Variants in PDE8B observed in about 807,000 individuals in gnomAD.
PDE8B encodes the protein high affinity cAMP-specific and IBMX-insensitive 3',5'-cyclic phosphodiesterase 8B.
PDE8B carries 26 observed loss-of-function variants against 101.3 expected under a neutral mutation model. That is an observed-to-expected ratio of 0.26 (90% CI 0.19 to 0.36). The LOEUF (loss-of-function observed/expected upper bound fraction) is 0.36, where lower values mean the gene tolerates loss of function less well. PDE8B is among the 10% of genes least tolerant of loss of function. PDE8B has a pLI of 1.00. For missense variants in PDE8B, 810 were observed against 1,163.1 expected, an observed-to-expected ratio of 0.70 and a Z score of 4.42; for synonymous variants, 424 against 429.3, an observed-to-expected ratio of 0.99 and a Z score of 0.15.
intron 1 of PDE8B, among the ~76,000 whole-genome samples, chr5:77,240,515 A>T (rs1755560391): frequency 6.6e-6 from 1 of 152,214 alleles, no homozygotes; most frequent in Admixed American, 6.5e-5. Context: ...ACAGGATTCT[A>T]CTCATGTAGA....
At chr5:77,118,280 A>C in the PDE8B span, 1 of 398,160 alleles carries the variant, frequency 2.5e-6, no homozygotes, top group East Asian at 3.6e-5. Flanking sequence ...GTTTAGAAGC[A>C]TCTAAATTTT....
At chr5:77,090,572 C>T in the PDE8B span, among the ~76,000 whole-genome samples, 108 of 152,090 alleles carry the variant, frequency 7.1e-4, no homozygotes, top group Non-Finnish European at 1.4e-3. Flanking sequence ...CGCACCCAGC[C>T]GAAGAGAAGA....
At chr5:77,116,676 T>G in the PDE8B span, among the ~76,000 whole-genome samples, 1 of 152,182 alleles carries the variant, frequency 6.6e-6, no homozygotes, top group Admixed American at 6.5e-5. Flanking sequence ...TGAGAGCAAA[T>G]GTAAGCCTGT....
intron 20 of PDE8B, among the ~76,000 whole-genome samples, chr5:77,423,297 C>T (rs981644079): frequency 6.6e-6 from 1 of 152,160 alleles, no homozygotes; most frequent in Non-Finnish European, 1.5e-5. Flanking sequence ...GTCTTTGCTA[C>T]CATGAATTGT....
the PDE8B span, among the ~76,000 whole-genome samples, chr5:77,090,835 C>T: frequency 6.6e-6 from 1 of 151,968 alleles, no homozygotes; most frequent in Non-Finnish European, 1.5e-5. Context: ...AGATTGTTAC[C>T]ATATCTTTTG....
chr5:77,301,892 T>G (rs1561493935), intron 1 of PDE8B, among the ~76,000 whole-genome samples: 2 of 152,220 alleles, frequency 1.3e-5, no homozygotes, highest in African/African-American at 4.8e-5. Flanking sequence ...TTTGGGGTTT[T>G]TTTTGTTTTG....
chr5:77,390,164 G>A (rs1425242872), intron 10 of PDE8B, among the ~76,000 whole-genome samples: 1 of 152,154 alleles, frequency 6.6e-6, no homozygotes, highest in South Asian at 2.1e-4. Context: ...AGAGACAAAT[G>A]ACCCTGAAAT....
intron 1 of PDE8B, among the ~76,000 whole-genome samples, chr5:77,307,373 G>A (rs934170442): frequency 2.3e-4 from 35 of 152,198 alleles, no homozygotes; most frequent in Admixed American, 3.9e-4. Context: ...ACTTCAAAGT[G>A]GGAGAGAAAA....
intron 1 of PDE8B, among the ~76,000 whole-genome samples, chr5:77,287,148 T>C (rs1467042876): frequency 1.3e-5 from 2 of 152,266 alleles, no homozygotes; most frequent in Admixed American, 6.5e-5. Context: ...TTGCCTTCTT[T>C]CTAAAGACCA....
intron 1 of PDE8B, among the ~76,000 whole-genome samples, chr5:77,286,944 G>A (rs990448425): frequency 1.3e-5 from 2 of 152,094 alleles, no homozygotes; most frequent in Admixed American, 6.6e-5. Flanking sequence ...AAGGAATGTA[G>A]AATACTTAAA....
chr5:77,188,852 A>G, the PDE8B span, among the ~76,000 whole-genome samples: 53 of 152,274 alleles, frequency 3.5e-4, no homozygotes, highest in African/African-American at 1.2e-3. Context: ...TTGCTTCCGT[A>G]CCAGTTCAGC....
the PDE8B span, chr5:77,115,346 GAATAAA>G: frequency 1.3e-5 from 2 of 152,214 alleles, no homozygotes; most frequent in East Asian, 3.8e-4. Flanking sequence ...TGCAATGGAT[GAATAAA>G]TGTGTGTTAT....
At chr5:77,145,585 C>CT in the PDE8B span, 6 of 152,146 alleles carry the variant, frequency 3.9e-5, no homozygotes, top group Non-Finnish European at 7.3e-5. Context: ...ATAATAGGAC[C>CT]TTTTGGAAGC....
Position 77,421,816 on chromosome 5 carries a change from T to C in PDE8B, c.2251-5T>C. On this transcript the variant is annotated splice_polypyrimidine_tract_variant and splice_region_variant and intron_variant, in intron 19 of 21. Transcript: ENST00000264917. ...CCAAGCCTGATCTGACCATCTGTTT[T>C]CCAGATTGAAGGCAGCGACTGTGAA... 6.2e-7 allele frequency: 1 copy of C among 1,613,890 alleles called. No individual in the cohort carries two copies. Among genetic ancestry groups the C allele is most frequent in the Non-Finnish European group, 8.5e-7 (1 of 1,179,918 alleles).
chr5:77,300,247 G>A (rs1769611212), intron 1 of PDE8B, among the ~76,000 whole-genome samples: 1 of 152,220 alleles, frequency 6.6e-6, no homozygotes, highest in African/African-American at 2.4e-5. Context: ...AGCCTGTTCT[G>A]TAGCCAAGAG....
At chr5:77,218,512 G>A (rs1022022587) in intron 1 of PDE8B, among the ~76,000 whole-genome samples, 3 of 152,228 alleles carry the variant, frequency 2.0e-5, no homozygotes, top group Non-Finnish European at 2.9e-5. Flanking sequence ...ACAGCCTGAA[G>A]CCCTAAGTGT....
At chr5:77,102,464 C>T in the PDE8B span, among the ~76,000 whole-genome samples, 1 of 152,286 alleles carries the variant, frequency 6.6e-6, no homozygotes, top group Admixed American at 6.5e-5. Flanking sequence ...GTCCCTACCT[C>T]CTTAGGTTGT....
chr5:77,401,343 G>C (rs942622969), intron 11 of PDE8B, among the ~76,000 whole-genome samples: 2 of 152,124 alleles, frequency 1.3e-5, no homozygotes, highest in East Asian at 3.8e-4. Flanking sequence ...TAACTTGGGA[G>C]CTTCTGGGTG....
intron 10 of PDE8B, among the ~76,000 whole-genome samples, chr5:77,362,963 A>C (rs557548753): frequency 1.3e-5 from 2 of 152,324 alleles, no homozygotes; most frequent in South Asian, 4.1e-4. Context: ...CCAGGGCAGC[A>C]TCATGTCTTG....
Sources: allele counts gnomAD v4.1 joint callset (sites outside exome capture counted in the v4.1 genomes callset), GRCh38; gene constraint gnomAD v4.1.1; transcripts MANE v1.5; gene names NCBI Gene and HGNC (gene_info 2026-07-23, HGNC 2026-07-21).